NDUFS1: variants seen among roughly 807,000 people sequenced by gnomAD.
NDUFS1 encodes the protein NADH-ubiquinone oxidoreductase 75 kDa subunit, mitochondrial.
Under a neutral mutation model 84.4 loss-of-function variants are expected in NDUFS1, and 61 were observed. The ratio of observed to expected loss-of-function variants is 0.72; its 90% CI spans 0.59 to 0.89. NDUFS1 has a LOEUF of 0.89. NDUFS1 is among the 40% of genes least tolerant of loss of function. The pLI, the probability that NDUFS1 is intolerant of heterozygous loss-of-function variation, is 0.00. For synonymous variants in NDUFS1, 275 were observed against 290.0 expected, an observed-to-expected ratio of 0.95 and a Z score of 0.53; for missense variants, 891 against 890.0, an observed-to-expected ratio of 1.00 and a Z score of -0.01.
chr2:206,141,401 G>T (rs974826099), intron 12 of NDUFS1, among the ~76,000 whole-genome samples: 2 of 151,504 alleles, frequency 1.3e-5, no homozygotes, highest in African/African-American at 4.8e-5. Context: ...GTGCAGGGGC[G>T]GGCGCCTGTA....
intron 14 of NDUFS1, among the ~76,000 whole-genome samples, chr2:206,132,071 G>A (rs1691533668): frequency 6.6e-6 from 1 of 152,028 alleles, no homozygotes; most frequent in South Asian, 2.1e-4. Context: ...GCTGCAGTAA[G>A]CCAAGATCAT....
In NDUFS1 at chr2:206,116,593, T is replaced by A; in HGVS notation, c.*7592A>T. The A allele has an allele frequency of 1.9e-6, 1 of 536,186 alleles. No individual in the cohort carries two copies. The highest frequency in any genetic ancestry group is 1.9e-5 in the South Asian group (1 of 51,494). The allele number at this position is 536,186 out of a possible 1,614,324, so 33.2% of individuals were successfully genotyped here. ...GGCAGAAGTAAATTTCTTTATAAAT[T>A]ACCCAGTCTGGGCCTGGTGTGTTGG... On this transcript the variant is annotated 3_prime_UTR_variant, in exon 19 of 19. Transcript: ENST00000233190.
chr2:206,145,063 G>T, intron 8 of NDUFS1, 37 bp from the exon 9 acceptor site: 1 of 1,547,068 alleles, frequency 6.5e-7, no homozygotes. Flanking sequence ...TGGTGCTTTT[G>T]GGAATAAAGA....
In NDUFS1 at chr2:206,145,046, T is replaced by C. The variant is rs200128097; in HGVS notation, c.738-20A>G. On this transcript the variant is annotated intron_variant, in intron 8 of 18. Transcript: ENST00000233190. ...GTCTTTCTGAGAAACACATACGGTG[T>C]TTACTATGGTGCTTTTGGGAATAAA... The C allele has an allele frequency of 4.0e-4, 640 of 1,593,134 alleles. No homozygotes were observed. Among genetic ancestry groups the C allele is most frequent in the Non-Finnish European group, 5.0e-4 (590 of 1,168,694 alleles).
chr2:206,154,362 CAATGTCTG>C (rs750571232), intron 1 of NDUFS1, among the ~76,000 whole-genome samples: 14 of 152,334 alleles, frequency 9.2e-5, no homozygotes, highest in Non-Finnish European at 1.5e-4. Flanking sequence ...GAATATTTAG[CAATGTCTG>C]AACACACTGT....
In NDUFS1 at chr2:206,133,037, T is replaced by C. The variant is rs923155354; in HGVS notation, c.1461A>G (p.Ala487=). ...GSSALQRNDG[A]AILAAVSSIA... is the part of the protein sequence containing the mutation. Reference sequence around the variant, plus strand: ...TGCTAGAAACAGCTGCAAGAATTGCTGCTCCATCATTTCTTTGGAGTGCAG... The same window carrying C: ...TGCTAGAAACAGCTGCAAGAATTGCCGCTCCATCATTTCTTTGGAGTGCAG... Residue 487 remains alanine (A), a synonymous_variant, in exon 14 of 19, where the codon GCA becomes GCG. Transcript: ENST00000233190. 6.2e-7 allele frequency: 1 copy of C among 1,613,578 alleles called. No homozygotes were observed.
At chr2:206,150,003 C>T in intron 3 of NDUFS1, 78 bp from the exon 4 acceptor site, 4 of 893,602 alleles carry the variant, frequency 4.5e-6, no homozygotes, top group South Asian at 4.1e-5. Context: ...CTGAAACACA[C>T]ACATACAGCA....
chr2:206,155,273 G>A (rs908172102), intron 1 of NDUFS1, among the ~76,000 whole-genome samples: 1 of 151,682 alleles, frequency 6.6e-6, no homozygotes, highest in South Asian at 2.1e-4. Flanking sequence ...GTACCACCAT[G>A]CCAGGCTAAT....
chr2:206,128,728 C>T (rs1341129203), intron 15 of NDUFS1, among the ~76,000 whole-genome samples: 1 of 151,598 alleles, frequency 6.6e-6, no homozygotes, highest in Admixed American at 6.6e-5. Flanking sequence ...CTGCAGTGAG[C>T]CGAGATCACA....
At chr2:206,156,410 CAA>C (rs565294955) in intron 1 of NDUFS1, among the ~76,000 whole-genome samples, 10 of 139,312 alleles carry the variant, frequency 7.2e-5, no homozygotes, top group African/African-American at 5.3e-5. Context: ...CCATCTCTAC[CAA>C]AAAAAAAAAA....
chr2:206,130,268 C>T (rs1306839234), intron 14 of NDUFS1, 26 bp from the exon 15 acceptor site: 1 of 1,613,488 alleles, frequency 6.2e-7, no homozygotes, highest in South Asian at 1.1e-5. Context: ...GGAATTTTAC[C>T]ATAACTGCAG....
intron 11 of NDUFS1, among the ~76,000 whole-genome samples, 175 bp from the exon 12 acceptor site, chr2:206,142,244 ACT>A (rs1320810471): frequency 1.3e-5 from 2 of 152,028 alleles, no homozygotes; most frequent in Non-Finnish European, 2.9e-5. Flanking sequence ...ATAGAGTCTC[ACT>A]CTGTCTCCCA....
Position 206,147,781 on chromosome 2 carries a change from C to A in NDUFS1, c.392G>T (p.Cys131Phe). ...LANHPLDCPI[C>F]DQGGECDLQD... ...CAGATCACATTCACCTCCCTGGTCA[C>A]AAATAGGACAGTCCAATGGGTGATT... Residue 131 changes from cysteine (C) to phenylalanine (F), a missense_variant, in exon 6 of 19, where the codon TGT becomes TTT. Cys to Phe is a radical substitution (Grantham distance 205). Transcript: ENST00000233190. The A allele has an allele frequency of 6.2e-7, 1 of 1,614,154 alleles. No homozygotes were observed.
At chr2:206,147,129 A>C (rs768570453) in intron 7 of NDUFS1, 41 bp from the exon 8 acceptor site, 27 of 1,580,242 alleles carry the variant, frequency 1.7e-5, no homozygotes, top group Middle Eastern at 3.5e-4. Context: ...CAAGTCCAGC[A>C]AAATTATTTC....
intron 12 of NDUFS1, among the ~76,000 whole-genome samples, chr2:206,140,481 C>A (rs1385057410): frequency 6.6e-6 from 1 of 151,002 alleles, no homozygotes; most frequent in Non-Finnish European, 1.5e-5. Flanking sequence ...ACCAAAAAAA[C>A]TAAATTTCTT....
intron 1 of NDUFS1, among the ~76,000 whole-genome samples, chr2:206,156,909 T>A (rs1576004866): frequency 6.6e-6 from 1 of 152,218 alleles, no homozygotes; most frequent in East Asian, 1.9e-4. Context: ...GCTCAACAAA[T>A]GCCAGTTAAA....
chr2:206,152,347 T>C (rs1692400958), intron 3 of NDUFS1, 72 bp downstream of exon 3: 2 of 1,074,060 alleles, frequency 1.9e-6, no homozygotes, highest in Non-Finnish European at 2.9e-6. Context: ...TAATAATCAG[T>C]ATAAAGGAAA....
intron 12 of NDUFS1, 148 bp downstream of exon 12, chr2:206,141,793 C>T (rs1027591107): frequency 2.6e-5 from 17 of 646,304 alleles, no homozygotes; most frequent in Middle Eastern, 4.4e-4. Context: ...GAGACTCCGT[C>T]CCACCAAAAA....
rs1399950399 is a variant in NDUFS1, at chr2:206,117,808, T to C, written c.*6377A>G. Reference sequence around the variant, plus strand: ...AGATCTGCCCCTAACTTGCCTCTTATTCTTTCTGGCCTCCATTTCCACAAT... The same window carrying C: ...AGATCTGCCCCTAACTTGCCTCTTACTCTTTCTGGCCTCCATTTCCACAAT... On this transcript the variant is annotated 3_prime_UTR_variant, in exon 19 of 19. Transcript: ENST00000233190. 3 of 152,204 alleles carry C rather than the reference T, an allele frequency of 2.0e-5. No individual in the cohort carries two copies. Among genetic ancestry groups the C allele is most frequent in the Non-Finnish European group, 4.4e-5 (3 of 68,038 alleles). The allele number at this position is 152,204 out of a possible 1,614,324, so 9.4% of individuals were successfully genotyped here. A position where few individuals can be genotyped will look rare whatever the true frequency, so the allele number is the denominator to read the frequency against.
Sources: allele counts gnomAD v4.1 joint callset (sites outside exome capture counted in the v4.1 genomes callset), GRCh38; gene constraint gnomAD v4.1.1; transcripts MANE v1.5; gene names NCBI Gene and HGNC (gene_info 2026-07-23, HGNC 2026-07-21).